Variants in LAMA3 observed in about 807,000 individuals in gnomAD.
LAMA3 encodes the protein laminin subunit alpha-3.
A neutral mutation model predicts 402.0 loss-of-function variants in LAMA3; 281 were observed. The ratio of observed to expected loss-of-function variants is 0.70; its 90% CI spans 0.63 to 0.77. The LOEUF (loss-of-function observed/expected upper bound fraction) is 0.77. Among genes scored for constraint, LAMA3 ranks in the 30% least tolerant of loss-of-function variants. The pLI is 0.00. For synonymous variants in LAMA3, 1,431 were observed against 1,558.4 expected, an observed-to-expected ratio of 0.92 and a Z score of 1.93; for missense variants, 3,840 against 4,215.5, an observed-to-expected ratio of 0.91 and a Z score of 2.47.
chr18:23,753,685 C>A, intron 5 of LAMA3, 36 bp from the exon 6 acceptor site: 1 of 1,512,226 alleles, frequency 6.6e-7, no homozygotes, highest in Non-Finnish European at 9.2e-7. Flanking sequence ...TGTCACTGTT[C>A]AGTGAAACTT....
intron 11 of LAMA3, among the ~76,000 whole-genome samples, chr18:23,783,257 C>A (rs2062472421): frequency 6.6e-6 from 1 of 152,152 alleles, no homozygotes; most frequent in Admixed American, 6.5e-5. Context: ...ACACTTACAC[C>A]TCATTCTAGT....
intron 23 of LAMA3, among the ~76,000 whole-genome samples, chr18:23,832,752 C>A (rs1356351911): frequency 6.6e-6 from 1 of 152,072 alleles, no homozygotes; most frequent in African/African-American, 2.4e-5. Flanking sequence ...TATATTCATA[C>A]CACACAATGG....
At position 23,843,622 on chromosome 18, in the gene LAMA3, C is replaced by T. The variant is rs143154812; in HGVS notation, c.3603+872C>T. On this transcript the variant is annotated intron_variant, in intron 29 of 74. Coordinates refer to ENST00000313654, the MANE Select transcript of LAMA3 (RefSeq NM_198129.4). ...CCTCCTCCGCACTCCTGGCCATTACCTACCTGGCTGGAGGGATTAGAGCAT... is the reference window on the plus strand; with the variant it reads ...CCTCCTCCGCACTCCTGGCCATTACTTACCTGGCTGGAGGGATTAGAGCAT... Among the ~76,000 whole-genome samples, 1,370 of 152,316 alleles carry T rather than the reference C, an allele frequency of 9.0e-3. 13 individuals are homozygous for T. Among genetic ancestry groups the T allele is most frequent in the Admixed American group, 0.014 (208 of 15,302 alleles).
chr18:23,765,329 A>G (rs1400410415), intron 8 of LAMA3, among the ~76,000 whole-genome samples: 1 of 152,206 alleles, frequency 6.6e-6, no homozygotes, highest in African/African-American at 2.4e-5. Flanking sequence ...ATTCTTCTCA[A>G]GTTTCTGACT....
intron 54 of LAMA3, 131 bp from the exon 55 acceptor site, chr18:23,909,022 A>G: frequency 1.2e-6 from 1 of 831,038 alleles, no homozygotes; most frequent in South Asian, 1.4e-5. Flanking sequence ...TACCGTAACT[A>G]ATTATGACCC....
intron 38 of LAMA3, among the ~76,000 whole-genome samples, chr18:23,875,380 A>G (rs2064674219): frequency 1.3e-5 from 2 of 152,206 alleles, no homozygotes; most frequent in Admixed American, 1.3e-4. Context: ...GAAAATGCAT[A>G]ACTTGTATTA....
intron 69 of LAMA3, among the ~76,000 whole-genome samples, chr18:23,944,944 C>T (rs1341383519): frequency 6.6e-6 from 1 of 152,128 alleles, no homozygotes; most frequent in Admixed American, 6.5e-5. Context: ...ACCAGCCCGA[C>T]CAACATGGTG....
At chr18:23,854,658 AAAAT>A (rs1276197627) in intron 32 of LAMA3, among the ~76,000 whole-genome samples, 3 of 150,108 alleles carry the variant, frequency 2.0e-5, no homozygotes, top group African/African-American at 7.4e-5. Context: ...TAAATAAATA[AAAAT>A]AAATAAAAAA....
chr18:23,697,042 C>T (rs1310000395), intron 1 of LAMA3, among the ~76,000 whole-genome samples: 1 of 152,146 alleles, frequency 6.6e-6, no homozygotes, highest in African/African-American at 2.4e-5. Context: ...AGGCCAAGGA[C>T]CTTTAGAATC....
intron 29 of LAMA3, 150 bp from the exon 30 acceptor site, chr18:23,844,859 G>A (rs2063778561): frequency 8.9e-6 from 6 of 676,188 alleles, no homozygotes; most frequent in Non-Finnish European, 1.6e-5. Context: ...CATGATCTTT[G>A]AGCATCATGT....
intron 8 of LAMA3, among the ~76,000 whole-genome samples, chr18:23,764,148 C>T (rs533288724): frequency 2.0e-5 from 3 of 152,172 alleles, no homozygotes; most frequent in African/African-American, 7.2e-5. Flanking sequence ...TTAATGTTAC[C>T]ACTGAAGAGG....
chr18:23,777,725 A>G (rs772931753), intron 11 of LAMA3, 106 bp downstream of exon 11: 1 of 863,084 alleles, frequency 1.2e-6, no homozygotes, highest in Non-Finnish European at 2.0e-6. Context: ...CTCCCTTCCT[A>G]GAGCATGGTA....
chr18:23,926,351 T>G (rs188985055), intron 62 of LAMA3, among the ~76,000 whole-genome samples: 8 of 152,314 alleles, frequency 5.3e-5, no homozygotes, highest in African/African-American at 1.9e-4. Flanking sequence ...ACATCTGGAA[T>G]GTCGTTGTCC....
chr18:23,815,420 A>G (rs1226722818), intron 16 of LAMA3, 48 bp from the exon 17 acceptor site: 1 of 1,511,638 alleles, frequency 6.6e-7, no homozygotes, highest in Admixed American at 1.7e-5. Context: ...AAGATTAGTG[A>G]ATTCTGTAAT....
intron 62 of LAMA3, among the ~76,000 whole-genome samples, chr18:23,923,554 G>T (rs997646780): frequency 1.3e-5 from 2 of 152,216 alleles, no homozygotes; most frequent in African/African-American, 4.8e-5. Context: ...CAACGGAGGA[G>T]TGGGGTGAGA....
intron 32 of LAMA3, 107 bp from the exon 33 acceptor site, chr18:23,857,737 C>A: frequency 7.3e-7 from 1 of 1,369,366 alleles, no homozygotes. Flanking sequence ...GGCATTGTAT[C>A]TATTTAACTG....
chr18:23,877,939 G>C (rs1455849154), intron 39 of LAMA3, among the ~76,000 whole-genome samples: 1 of 151,946 alleles, frequency 6.6e-6, no homozygotes, highest in African/African-American at 2.4e-5. Context: ...GTGAAACCCT[G>C]TCTCTACTAA....
At chr18:23,813,534 TTTTTC>T (rs1278866588) in intron 14 of LAMA3, among the ~76,000 whole-genome samples, 13 of 151,296 alleles carry the variant, frequency 8.6e-5, no homozygotes, top group Non-Finnish European at 1.6e-4. Context: ...ATTTTTTTTC[TTTTTC>T]TTTTCTTTTC....
At chr18:23,830,901 TACCTCTTTGATGTTTCAAAGCA>T (rs2063478770) in intron 23 of LAMA3, among the ~76,000 whole-genome samples, 1 of 152,188 alleles carries the variant, frequency 6.6e-6, no homozygotes, top group Non-Finnish European at 1.5e-5. Flanking sequence ...TTCCTGACAT[TACCTCTTTGATGTTTCAAAGCA>T]ACCTCAAACT....
Sources: allele counts gnomAD v4.1 joint callset (sites outside exome capture counted in the v4.1 genomes callset), GRCh38; gene constraint gnomAD v4.1.1; transcripts MANE v1.5; gene names NCBI Gene and HGNC (gene_info 2026-07-23, HGNC 2026-07-21).